The following MYO10 variants were observed in gnomAD, a reference collection of about 807,000 sequenced individuals.
The protein encoded by MYO10 is unconventional myosin-X.
In MYO10, 133 loss-of-function variants were observed where a neutral mutation model predicts 257.3. The observed-to-expected ratio is 0.52, with a 90% CI of 0.45 to 0.60. MYO10 has a LOEUF of 0.60. MYO10 is among the 20% of genes least tolerant of loss of function. The probability of loss-of-function intolerance (pLI) is 0.00; values close to 1 mark genes in which losing one functional copy is unlikely to be tolerated. For synonymous variants in MYO10, 1,104 were observed against 1,028.6 expected, an observed-to-expected ratio of 1.07 and a Z score of -1.40; for missense variants, 2,399 against 2,635.7, an observed-to-expected ratio of 0.91 and a Z score of 1.97.
At chr5:16,928,694 A>T (rs1306165462) in intron 1 of MYO10, among the ~76,000 whole-genome samples, 28 of 151,580 alleles carry the variant, frequency 1.8e-4, no homozygotes, top group African/African-American at 6.8e-4. Context: ...AAATATCAAA[A>T]ATTAGCCGGG....
At chr5:16,816,992 G>T (rs1222894675) in intron 3 of MYO10, among the ~76,000 whole-genome samples, 3 of 151,614 alleles carry the variant, frequency 2.0e-5, no homozygotes, top group Admixed American at 1.3e-4. Flanking sequence ...GCTAGTTTTT[G>T]TATTTTTAGT....
intron 19 of MYO10, among the ~76,000 whole-genome samples, chr5:16,723,358 G>A (rs153183): frequency 0.73 from 110,814 of 151,588 alleles, 41,481 homozygotes; most frequent in East Asian, 0.81. Flanking sequence ...ACTGCACTCC[G>A]GCCTGGGTGA....
chr5:16,720,667 C>T (rs923359396), intron 19 of MYO10, among the ~76,000 whole-genome samples: 2 of 152,132 alleles, frequency 1.3e-5, no homozygotes, highest in African/African-American at 4.8e-5. Context: ...ACCGTGTTAG[C>T]CAGGATGGTC....
chr5:16,874,460 G>A (rs756866910), intron 2 of MYO10, among the ~76,000 whole-genome samples: 5 of 148,532 alleles, frequency 3.4e-5, no homozygotes, highest in African/African-American at 4.9e-5. Context: ...ATCACCTCTT[G>A]AATGCTTTGC....
chr5:16,774,729 G>A (rs971009162), intron 9 of MYO10, among the ~76,000 whole-genome samples: 1 of 152,012 alleles, frequency 6.6e-6, no homozygotes, highest in Non-Finnish European at 1.5e-5. Context: ...CCAATGTTAT[G>A]TTTTATCAAG....
intron 2 of MYO10, among the ~76,000 whole-genome samples, chr5:16,840,230 TG>T (rs1292863029): frequency 6.6e-6 from 1 of 152,100 alleles, no homozygotes; most frequent in Non-Finnish European, 1.5e-5. Context: ...CTGAACAACA[TG>T]GTGAAAACTT....
At chr5:16,764,126 TAC>T (rs1348709741) in intron 12 of MYO10, 122 bp downstream of exon 12, 2 of 1,119,912 alleles carry the variant, frequency 1.8e-6, no homozygotes, top group East Asian at 2.4e-5. Context: ...CAGCCTGGGA[TAC>T]AGAGTGAGAC....
At chr5:16,686,112 G>A (rs950156323) in intron 28 of MYO10, among the ~76,000 whole-genome samples, 2 of 152,068 alleles carry the variant, frequency 1.3e-5, no homozygotes, top group South Asian at 2.1e-4. Context: ...GACATTTGAC[G>A]ATGATGAATG....
chr5:16,866,388 T>C (rs1334551045), intron 2 of MYO10, among the ~76,000 whole-genome samples: 1 of 152,192 alleles, frequency 6.6e-6, no homozygotes, highest in African/African-American at 2.4e-5. Context: ...CTTTGAGCCA[T>C]GAACAACAGA....
At chr5:16,746,490 C>T (rs1175509478) in intron 19 of MYO10, among the ~76,000 whole-genome samples, 5 of 152,162 alleles carry the variant, frequency 3.3e-5, no homozygotes, top group Non-Finnish European at 4.4e-5. Flanking sequence ...CACCATGCTG[C>T]GACCAGTGCC....
intron 1 of MYO10, among the ~76,000 whole-genome samples, chr5:16,932,447 G>T (rs578044365): frequency 6.6e-6 from 1 of 151,964 alleles, no homozygotes; most frequent in Non-Finnish European, 1.5e-5. Flanking sequence ...CCCCTTTCCT[G>T]GTTGAGCCTT....
At chr5:16,775,912 T>C (rs1421554801) in intron 9 of MYO10, among the ~76,000 whole-genome samples, 1 of 151,014 alleles carries the variant, frequency 6.6e-6, no homozygotes, top group East Asian at 2.0e-4. Flanking sequence ...TTTTTTATTT[T>C]TGAGATGGGG....
intron 21 of MYO10, among the ~76,000 whole-genome samples, chr5:16,708,215 CTT>C (rs1310804981): frequency 6.6e-6 from 1 of 152,244 alleles, no homozygotes; most frequent in Non-Finnish European, 1.5e-5. Context: ...ACTTCTTCAT[CTT>C]GAATACTTCC....
rs1737217452 is a variant in MYO10, at chr5:16,685,653, A to C, written c.3990+85T>G. 12 of 1,045,736 alleles carry C rather than the reference A, an allele frequency of 1.1e-5. No individual in the cohort carries two copies. In the South Asian group the frequency reaches 1.7e-4, roughly 15 times the overall value. The allele number at this position is 1,045,736 out of a possible 1,614,324, so 64.8% of individuals were successfully genotyped here. ...AAAAAAAGACTGTCTGGAAATTCCC[A>C]ATCTTTCCCTTTTTTACCATCCTGA... On this transcript the variant is annotated intron_variant, in intron 29 of 40. Transcript: ENST00000513610.
At chr5:16,729,601 C>T (rs1739503585) in intron 19 of MYO10, among the ~76,000 whole-genome samples, 2 of 151,894 alleles carry the variant, frequency 1.3e-5, no homozygotes, top group Non-Finnish European at 2.9e-5. Flanking sequence ...ACAGGCACCA[C>T]ACCCGGCTAA....
chr5:16,764,441 C>G, intron 11 of MYO10, 45 bp from the exon 12 acceptor site: 1 of 1,606,522 alleles, frequency 6.2e-7, no homozygotes, highest in Non-Finnish European at 8.5e-7. Context: ...CCCGGGCACC[C>G]CAGACAGGCA....
Position 16,935,928 on chromosome 5 carries a change from G to GA in MYO10, c.-121_-120insT. 7.9e-7 allele frequency: 1 copy of GA among 1,257,876 alleles called. No individual in the cohort carries two copies. The highest frequency in any genetic ancestry group is 1.1e-6 in the Non-Finnish European group (1 of 888,204). The allele number at this position is 1,257,876 out of a possible 1,614,324, so 77.9% of individuals were successfully genotyped here. ...CACTCCCGAGGACGCGCGCCCGCGGGGCTCCCCTGCTGCCATCGCCCGGTC... is the reference window on the plus strand; with the variant it reads ...CACTCCCGAGGACGCGCGCCCGCGGGAGCTCCCCTGCTGCCATCGCCCGGTC... On this transcript the variant is annotated 5_prime_UTR_variant, in exon 1 of 41. The change abolishes the stop of an existing upstream ORF in the 5' untranslated region. Transcript: ENST00000513610.
At chr5:16,743,896 G>T (rs1211010065) in intron 19 of MYO10, among the ~76,000 whole-genome samples, 1 of 152,182 alleles carries the variant, frequency 6.6e-6, no homozygotes, top group Non-Finnish European at 1.5e-5. Context: ...TATAACAAAT[G>T]TACCACATTA....
chr5:16,836,891 A>G (rs1743328783), intron 2 of MYO10, among the ~76,000 whole-genome samples: 1 of 152,218 alleles, frequency 6.6e-6, no homozygotes, highest in Non-Finnish European at 1.5e-5. Context: ...AAAGGTTACC[A>G]TGAATGTTCG....
Sources: gnomAD v4.1 joint callset for allele counts (sites outside exome capture counted in the v4.1 genomes callset) on GRCh38, gnomAD v4.1.1 for gene constraint, MANE v1.5 for transcripts, NCBI Gene and HGNC (gene_info 2026-07-23, HGNC 2026-07-21) for gene names.